RAD51B: variants seen among roughly 807,000 people sequenced by gnomAD.
The protein encoded by RAD51B is DNA repair protein RAD51 homolog 2.
A neutral mutation model predicts 42.2 loss-of-function variants in RAD51B; 38 were observed. The ratio of observed to expected loss-of-function variants is 0.90; its 90% CI spans 0.70 to 1.18. RAD51B has a LOEUF of 1.18. RAD51B is among the 50% of genes most tolerant of loss of function. The pLI is 0.00. For missense variants in RAD51B, 373 were observed against 400.7 expected (o/e 0.93, Z 0.59); for synonymous variants, 154 against 145.2 (o/e 1.06, Z -0.43).
intron 8 of RAD51B, among the ~76,000 whole-genome samples, chr14:68,368,194 T>C (rs539530478): frequency 1.2e-4 from 18 of 152,290 alleles, no homozygotes; most frequent in Non-Finnish European, 8.8e-5. Flanking sequence ...ATATTTTCAT[T>C]TTTCTCCTTT....
chr14:67,891,155 G>A (rs1481763677), intron 7 of RAD51B, among the ~76,000 whole-genome samples: 4 of 151,896 alleles, frequency 2.6e-5, no homozygotes, highest in African/African-American at 9.7e-5. Flanking sequence ...TTCATTTCTT[G>A]ATATTGTACA....
At chr14:68,381,471 C>T (rs550989798) in intron 8 of RAD51B, among the ~76,000 whole-genome samples, 1 of 152,108 alleles carries the variant, frequency 6.6e-6, no homozygotes, top group African/African-American at 2.4e-5. Context: ...GTCAGGAGAT[C>T]GAGACCATCC....
At chr14:68,417,014 G>C (rs2084577470) in intron 9 of RAD51B, among the ~76,000 whole-genome samples, 1 of 152,174 alleles carries the variant, frequency 6.6e-6, no homozygotes. Flanking sequence ...AAGCTAAAGG[G>C]TAGATGTGGG....
intron 7 of RAD51B, among the ~76,000 whole-genome samples, chr14:68,053,296 A>T (rs1283830517): frequency 6.6e-6 from 1 of 152,134 alleles, no homozygotes; most frequent in Non-Finnish European, 1.5e-5. Context: ...GGCTCTAGAA[A>T]TTTACTTTGG....
chr14:68,433,281 T>A (rs1377980977), intron 9 of RAD51B, among the ~76,000 whole-genome samples: 2 of 152,182 alleles, frequency 1.3e-5, no homozygotes, highest in East Asian at 3.8e-4. Flanking sequence ...TTTCCTGAAT[T>A]GAATGTTGGC....
intron 10 of RAD51B, among the ~76,000 whole-genome samples, chr14:68,556,255 C>G (rs1888838577): frequency 6.6e-6 from 1 of 152,180 alleles, no homozygotes; most frequent in Non-Finnish European, 1.5e-5. Flanking sequence ...GAAAACCCAC[C>G]CAGACCAGAG....
chr14:68,585,166 T>C (rs1890397953), intron 10 of RAD51B, among the ~76,000 whole-genome samples: 1 of 152,154 alleles, frequency 6.6e-6, no homozygotes, highest in Non-Finnish European at 1.5e-5. Context: ...TGTACTCTAT[T>C]ATTTAAGTTA....
intron 10 of RAD51B, among the ~76,000 whole-genome samples, chr14:68,590,762 G>A (rs911219682): frequency 2.0e-5 from 3 of 152,170 alleles, no homozygotes; most frequent in Admixed American, 1.3e-4. Flanking sequence ...CAATGATGCC[G>A]AATCACCTGT....
In RAD51B at chr14:68,023,231, A is replaced by C. The variant is rs1021821054; in HGVS notation, c.756+136027A>C. Among the ~76,000 whole-genome samples, 4 of 152,246 alleles carry C rather than the reference A, an allele frequency of 2.6e-5. No homozygotes were observed. In the East Asian group the frequency reaches 7.7e-4, roughly 29 times the overall value. ...GTTGCAGGTTCTTTGAGAAACCTTC[A>C]AACTACTTTCTACAATGGCTGAACT... On this transcript the variant is annotated intron_variant, in intron 7 of 10. Transcript: ENST00000471583.
intron 7 of RAD51B, among the ~76,000 whole-genome samples, chr14:67,948,846 G>A (rs1471572596): frequency 6.7e-6 from 1 of 148,366 alleles, no homozygotes; most frequent in Admixed American, 6.8e-5. Context: ...GCAGGAGAAT[G>A]GTGTGAACCT....
intron 7 of RAD51B, among the ~76,000 whole-genome samples, chr14:68,275,838 A>ACC (rs1555385471): frequency 9.5e-4 from 136 of 143,164 alleles, no homozygotes; most frequent in African/African-American, 3.6e-3. Context: ...ACACACACAC[A>ACC]CACCCTTGAA....
chr14:68,406,137 C>T (rs1253318742), intron 8 of RAD51B, among the ~76,000 whole-genome samples: 1 of 152,094 alleles, frequency 6.6e-6, no homozygotes, highest in African/African-American at 2.4e-5. Context: ...TGTCTCAGAC[C>T]TTGTGTTAAG....
intron 9 of RAD51B, chr14:68,422,182 G>A: frequency 8.3e-7 from 1 of 1,199,094 alleles, no homozygotes; most frequent in Non-Finnish European, 1.2e-6. Flanking sequence ...CAAAGAACAT[G>A]GTGGGGTTGA....
intron 8 of RAD51B, among the ~76,000 whole-genome samples, chr14:68,404,945 G>A (rs1278343518): frequency 2.0e-5 from 3 of 152,148 alleles, no homozygotes; most frequent in African/African-American, 7.2e-5. Flanking sequence ...ACTCTTGTGG[G>A]CTGGCAGAAT....
chr14:67,961,753 G>C (rs1279117292), intron 7 of RAD51B, among the ~76,000 whole-genome samples: 1 of 151,688 alleles, frequency 6.6e-6, no homozygotes, highest in Non-Finnish European at 1.5e-5. Context: ...TCTTTTTCTA[G>C]AAATATGTAT....
At chr14:67,861,516 C>T (rs1409605541) in intron 4 of RAD51B, among the ~76,000 whole-genome samples, 2 of 147,184 alleles carry the variant, frequency 1.4e-5, no homozygotes, top group South Asian at 2.1e-4. Flanking sequence ...AGGCCACTTG[C>T]AGTAAGTTAT....
intron 7 of RAD51B, among the ~76,000 whole-genome samples, chr14:67,902,706 T>C (rs1198243646): frequency 3.3e-5 from 5 of 152,158 alleles, no homozygotes; most frequent in Admixed American, 3.3e-4. Context: ...GTGTAGTTCT[T>C]TTAAAATAAA....
At chr14:68,486,214 A>G (rs1446751881) in intron 10 of RAD51B, among the ~76,000 whole-genome samples, 2 of 152,136 alleles carry the variant, frequency 1.3e-5, no homozygotes, top group African/African-American at 4.8e-5. Context: ...TTGTCCTGTG[A>G]CTGACACTTT....
chr14:68,634,796 G>T (rs1236962618), intron 10 of RAD51B, among the ~76,000 whole-genome samples: 1 of 152,118 alleles, frequency 6.6e-6, no homozygotes, highest in Non-Finnish European at 1.5e-5. Flanking sequence ...TTAGAGATTG[G>T]GGATTCATTT....
Sources: allele counts gnomAD v4.1 joint callset (sites outside exome capture counted in the v4.1 genomes callset), GRCh38; gene constraint gnomAD v4.1.1; transcripts MANE v1.5; gene names NCBI Gene and HGNC (gene_info 2026-07-23, HGNC 2026-07-21).